Variants in COX4I1 observed in about 807,000 individuals in gnomAD.
COX4I1 encodes cytochrome c oxidase subunit 4 isoform 1, mitochondrial.
COX4I1 carries 18 observed loss-of-function variants against 21.7 expected under a neutral mutation model. The ratio of observed to expected loss-of-function variants is 0.83; its 90% confidence interval spans 0.57 to 1.23. The LOEUF is 1.23. COX4I1 is among the 50% of genes most tolerant of loss of function. The probability of loss-of-function intolerance (pLI) is 0.00; values close to 1 mark genes in which losing one functional copy is unlikely to be tolerated. For missense variants in COX4I1, 238 were observed against 220.7 expected (o/e 1.08, Z -0.50); for synonymous variants, 100 against 81.5 (o/e 1.23, Z -1.23).
At chr16:85,801,335 C>T in intron 2 of COX4I1, 57 bp downstream of exon 2, 2 of 1,491,856 alleles carry the variant, frequency 1.3e-6, no homozygotes, top group Non-Finnish European at 1.9e-6. Flanking sequence ...TTTGCTCCTG[C>T]TGTGTATAAA....
At chr16:85,800,688 G>T (rs1336491839) in intron 1 of COX4I1, among the ~76,000 whole-genome samples, 1 of 152,100 alleles carries the variant, frequency 6.6e-6, no homozygotes, top group Non-Finnish European at 1.5e-5. Context: ...CAGTGGTGCG[G>T]TCTCGGCTCA....
chr16:85,800,485 G>A (rs1157521553), intron 1 of COX4I1, among the ~76,000 whole-genome samples: 2 of 152,200 alleles, frequency 1.3e-5, no homozygotes, highest in Non-Finnish European at 2.9e-5. Flanking sequence ...TAAACACTCA[G>A]TTGAATGTGA....
chr16:85,806,237 T>G, intron 4 of COX4I1: 1 of 596,538 alleles, frequency 1.7e-6, no homozygotes, highest in African/African-American at 1.9e-5. Context: ...TGGACTGTTG[T>G]GAGGACTGCA....
chr16:85,806,325 G>A (rs1004722171), intron 4 of COX4I1: 3 of 621,900 alleles, frequency 4.8e-6, no homozygotes, highest in Non-Finnish European at 8.6e-6. Flanking sequence ...TCGTGGTAAT[G>A]ACTCTTCCCC....
At chr16:85,803,325 AG>A (rs1224347686) in intron 2 of COX4I1, 1 of 152,240 alleles carries the variant, frequency 6.6e-6, no homozygotes, top group Admixed American at 6.5e-5. Context: ...TAAGTATGCC[AG>A]TCATTTGCAC....
At chr16:85,800,105 G>C (rs1479638073) in intron 1 of COX4I1, among the ~76,000 whole-genome samples, 1 of 152,178 alleles carries the variant, frequency 6.6e-6, no homozygotes, top group Non-Finnish European at 1.5e-5. Context: ...AAAGGTCCCT[G>C]TGCAACCCCT....
At chr16:85,800,665 C>T (rs1905648399) in intron 1 of COX4I1, among the ~76,000 whole-genome samples, 1 of 152,228 alleles carries the variant, frequency 6.6e-6, no homozygotes, top group East Asian at 1.9e-4. Context: ...CTCTGGTTGC[C>T]CAGGCTGGGG....
intron 1 of COX4I1, among the ~76,000 whole-genome samples, chr16:85,800,752 T>TG (rs1450759722): frequency 6.6e-6 from 1 of 152,050 alleles, no homozygotes; most frequent in Non-Finnish European, 1.5e-5. Context: ...GCCTCCCAAG[T>TG]AGCGGGGATT....
intron 3 of COX4I1, chr16:85,805,457 C>T (rs953392686): frequency 1.8e-6 from 1 of 568,686 alleles, no homozygotes; most frequent in African/African-American, 1.9e-5. Context: ...TTAAATAGAC[C>T]CTAATACTGT....
Position 85,807,025 on chromosome 16 carries a change from T to C in COX4I1, c.*151T>C. On this transcript the variant is annotated 3_prime_UTR_variant, in exon 5 of 5. Transcript: ENST00000253452. ...AAACCCTTTGTGATCAGTTCTTTAA[T>C]GATACCTAAATGAAAGCTAATTAAA... is the stretch of plus-strand genomic sequence containing the variant. 4.0e-6 allele frequency: 3 copies of C among 748,832 alleles called. No individual in the cohort carries two copies. Among genetic ancestry groups the C allele is most frequent in the Non-Finnish European group, 6.4e-6 (3 of 472,060 alleles). The allele number at this position is 748,832 out of a possible 1,614,324, so 46.4% of individuals were successfully genotyped here.
chr16:85,802,921 T>C (rs934068334), intron 2 of COX4I1: 1 of 152,214 alleles, frequency 6.6e-6, no homozygotes, highest in Non-Finnish European at 1.5e-5. Flanking sequence ...ATAATAGCTT[T>C]TTCCCCCCAG....
chr16:85,806,133 A>T, intron 4 of COX4I1: 2 of 586,574 alleles, frequency 3.4e-6, no homozygotes, highest in Non-Finnish European at 6.0e-6. Context: ...CCACGTTTTC[A>T]GTAGCAATTT....
At chr16:85,801,858 C>T (rs562654800) in intron 2 of COX4I1, among the ~76,000 whole-genome samples, 2 of 151,992 alleles carry the variant, frequency 1.3e-5, no homozygotes, top group Admixed American at 6.5e-5. Context: ...TGTTAGGCAC[C>T]GAGAAGAAAA....
intron 3 of COX4I1, 87 bp downstream of exon 3, chr16:85,805,191 G>T: frequency 7.9e-7 from 1 of 1,269,376 alleles, no homozygotes. Context: ...TGGGCCTACT[G>T]TCTAGAGGCA....
intron 2 of COX4I1, among the ~76,000 whole-genome samples, chr16:85,801,718 G>T (rs1422581051): frequency 6.6e-6 from 1 of 152,118 alleles, no homozygotes; most frequent in Non-Finnish European, 1.5e-5. Context: ...TTTCTATCAA[G>T]GACTAGCTAC....
At chr16:85,806,233 G>A (rs1597219958) in intron 4 of COX4I1, 7 of 595,578 alleles carry the variant, frequency 1.2e-5, no homozygotes, top group African/African-American at 1.9e-5. Context: ...TGTCTGGACT[G>A]TTGTGAGGAC....
intron 4 of COX4I1, 178 bp from the exon 5 acceptor site, chr16:85,806,560 A>C (rs939519240): frequency 4.5e-6 from 4 of 894,638 alleles, no homozygotes; most frequent in Non-Finnish European, 7.2e-6. Context: ...CAAAGGGCTA[A>C]TTTTAAAATG....
At chr16:85,806,005 C>T (rs1469857647) in intron 4 of COX4I1, 141 bp downstream of exon 4, 12 of 1,240,272 alleles carry the variant, frequency 9.7e-6, no homozygotes, top group Non-Finnish European at 1.4e-5. Context: ...GGATTGTTTC[C>T]AGGCCTTGGT....
chr16:85,803,670 C>G (rs996666340), intron 2 of COX4I1: 3 of 152,242 alleles, frequency 2.0e-5, no homozygotes, highest in Non-Finnish European at 4.4e-5. Context: ...AATCCTCACT[C>G]AGATCTTCCT....
Sources: gnomAD v4.1 joint callset for allele counts (sites outside exome capture counted in the v4.1 genomes callset) on GRCh38, gnomAD v4.1.1 for gene constraint, MANE v1.5 for transcripts, NCBI Gene and HGNC (gene_info 2026-07-23, HGNC 2026-07-21) for gene names.